Variants in ADARB2 observed in about 807,000 individuals in gnomAD.
The protein encoded by ADARB2 is adenosine deaminase RNA specific B2 (inactive).
Under a neutral mutation model 62.2 loss-of-function variants are expected in ADARB2, and 25 were observed. That is an observed-to-expected ratio of 0.40 (90% CI 0.29 to 0.56). The LOEUF is 0.56. Ranked by LOEUF, ADARB2 falls within the 20% of genes least tolerant of loss-of-function variation. The pLI is 0.43. For missense variants in ADARB2, 1,071 were observed against 1,077.4 expected (o/e 0.99, Z 0.08); for synonymous variants, 572 against 500.8 (o/e 1.14, Z -1.90).
chr10:1,674,878 G>T (rs1457156969), intron 1 of ADARB2, among the ~76,000 whole-genome samples: 2 of 152,192 alleles, frequency 1.3e-5, no homozygotes, highest in African/African-American at 2.4e-5. Context: ...AGGAGGTTTG[G>T]GTTCAAGGAT....
At chr10:1,675,641 C>G (rs902659746) in intron 1 of ADARB2, among the ~76,000 whole-genome samples, 3 of 139,250 alleles carry the variant, frequency 2.2e-5, no homozygotes, top group African/African-American at 8.2e-5. Flanking sequence ...GGTTTGGGTT[C>G]AGGGATGCGT....
chr10:1,297,558 G>A (rs1831534291), intron 3 of ADARB2, among the ~76,000 whole-genome samples: 6 of 152,110 alleles, frequency 3.9e-5, no homozygotes, highest in Admixed American at 1.3e-4. Flanking sequence ...AGAGACCCCC[G>A]AGGGTGGCTG....
At chr10:1,457,763 A>T (rs1031527659) in intron 1 of ADARB2, among the ~76,000 whole-genome samples, 1 of 152,042 alleles carries the variant, frequency 6.6e-6, no homozygotes, top group Non-Finnish European at 1.5e-5. Flanking sequence ...CAGGATAGAT[A>T]TCCCCCTGTT....
intron 1 of ADARB2, among the ~76,000 whole-genome samples, chr10:1,425,642 C>T (rs1832888143): frequency 6.6e-6 from 1 of 152,224 alleles, no homozygotes; most frequent in Non-Finnish European, 1.5e-5. Flanking sequence ...CTAAGCAGAA[C>T]CTTCCATCTA....
At chr10:1,225,700 G>T (rs61832008) in intron 6 of ADARB2, among the ~76,000 whole-genome samples, 24,526 of 126,136 alleles carry the variant, frequency 0.19, 3,611 homozygotes, top group East Asian at 0.33. Flanking sequence ...TGAAATTCTG[G>T]GTTAAAATTC....
At chr10:1,568,223 G>A (rs568853753) in intron 1 of ADARB2, among the ~76,000 whole-genome samples, 2 of 152,336 alleles carry the variant, frequency 1.3e-5, no homozygotes, top group East Asian at 1.9e-4. Context: ...GGCCTCCGCT[G>A]TCCTGACTCT....
chr10:1,291,583 G>A (rs1245963887), intron 3 of ADARB2: 1 of 152,238 alleles, frequency 6.6e-6, no homozygotes, highest in Non-Finnish European at 1.5e-5. Context: ...GATGTCCCTG[G>A]TGGAGTGAAA....
At chr10:1,522,679 A>G (rs1249961697) in intron 1 of ADARB2, among the ~76,000 whole-genome samples, 4 of 152,180 alleles carry the variant, frequency 2.6e-5, no homozygotes, top group South Asian at 4.1e-4. Context: ...CTTCTCAGCA[A>G]TCATTCCTCT....
At chr10:1,623,597 G>C (rs1309121741) in intron 1 of ADARB2, among the ~76,000 whole-genome samples, 3 of 152,200 alleles carry the variant, frequency 2.0e-5, no homozygotes, top group Admixed American at 6.5e-5. Context: ...ACCGTGAGCC[G>C]TAACTGCTTT....
intron 1 of ADARB2, among the ~76,000 whole-genome samples, chr10:1,681,197 G>C (rs1245529123): frequency 1.3e-5 from 2 of 152,182 alleles, no homozygotes; most frequent in African/African-American, 4.8e-5. Flanking sequence ...CTCTTTTTTA[G>C]CTGATTTATT....
intron 8 of ADARB2, among the ~76,000 whole-genome samples, chr10:1,191,875 C>T (rs902037983): frequency 2.0e-5 from 3 of 152,194 alleles, no homozygotes; most frequent in African/African-American, 7.2e-5. Flanking sequence ...GGACTCACTT[C>T]TGTGACATAC....
chr10:1,590,067 T>C (rs1362780949), intron 1 of ADARB2, among the ~76,000 whole-genome samples: 2 of 152,148 alleles, frequency 1.3e-5, no homozygotes, highest in Non-Finnish European at 2.9e-5. Context: ...CTGTGGGCTG[T>C]GTGAGGTTGG....
intron 3 of ADARB2, among the ~76,000 whole-genome samples, chr10:1,305,298 C>T (rs1324861794): frequency 1.3e-5 from 2 of 151,206 alleles, no homozygotes; most frequent in African/African-American, 4.8e-5. Context: ...ACTAGAAAAT[C>T]TAGAAGAAAT....
At chr10:1,593,352 G>T (rs1363783733) in intron 1 of ADARB2, among the ~76,000 whole-genome samples, 1 of 150,878 alleles carries the variant, frequency 6.6e-6, no homozygotes, top group Non-Finnish European at 1.5e-5. Flanking sequence ...CACTCTGTAG[G>T]TCTCCTCTCT....
chr10:1,465,956 C>G (rs1831250510), intron 1 of ADARB2, among the ~76,000 whole-genome samples: 1 of 152,268 alleles, frequency 6.6e-6, no homozygotes, highest in South Asian at 2.1e-4. Flanking sequence ...CTTTCTACTT[C>G]TGTGTGTCTC....
At chr10:1,483,398 T>C (rs1026413129) in intron 1 of ADARB2, among the ~76,000 whole-genome samples, 10 of 152,228 alleles carry the variant, frequency 6.6e-5, no homozygotes, top group African/African-American at 2.4e-4. Context: ...AGTCACAGAA[T>C]CCTGAACGAC....
chr10:1,275,631 A>G (rs760863588), intron 3 of ADARB2, among the ~76,000 whole-genome samples: 1 of 149,498 alleles, frequency 6.7e-6, no homozygotes, highest in African/African-American at 2.5e-5. Context: ...AACATTAGGT[A>G]TATCTCCTAA....
chr10:1,547,525 T>C (rs1273142099), intron 1 of ADARB2, among the ~76,000 whole-genome samples: 69 of 98,420 alleles, frequency 7.0e-4, no homozygotes, highest in East Asian at 9.9e-4. Context: ...CAAGTCTATG[T>C]ACTGTGTTGT....
intron 1 of ADARB2, among the ~76,000 whole-genome samples, chr10:1,598,339 G>C (rs963589110): frequency 6.6e-6 from 1 of 152,132 alleles, no homozygotes; most frequent in Admixed American, 6.5e-5. Context: ...CACAATTCCA[G>C]AGGTGGGTGC....
Sources: allele counts gnomAD v4.1 joint callset (sites outside exome capture counted in the v4.1 genomes callset), GRCh38; gene constraint gnomAD v4.1.1; transcripts MANE v1.5; gene names NCBI Gene and HGNC (gene_info 2026-07-23, HGNC 2026-07-21).